SUMF1: variants seen among roughly 807,000 people sequenced by gnomAD.
SUMF1 encodes formylglycine-generating enzyme.
SUMF1 carries 48 observed loss-of-function variants against 47.6 expected under a neutral mutation model. The observed-to-expected ratio is 1.01, with a 90% CI of 0.80 to 1.28. The LOEUF (loss-of-function observed/expected upper bound fraction) is 1.28, where lower values mean the gene tolerates loss of function less well. SUMF1 is among the 50% of genes most tolerant of loss of function. SUMF1 has a pLI of 0.00. For missense variants in SUMF1, 571 were observed against 485.4 expected (o/e 1.18, Z -1.66); for synonymous variants, 230 against 192.1 (o/e 1.20, Z -1.63).
At position 4,389,422 on chromosome 3, in the gene SUMF1, C is replaced by T. The variant is rs568694395; in HGVS notation, c.955-13033G>A. ...TTAGTGTTCAGAAGTTTAATTATAA[C>T]GGTGTCTTCTTGTAGATTTCTTCAG... is the stretch of plus-strand genomic sequence containing the variant. On this transcript the variant is annotated intron_variant, in intron 7 of 8. Transcript: ENST00000272902. Among the ~76,000 whole-genome samples, 59 of 151,254 alleles carry T rather than the reference C, an allele frequency of 3.9e-4. 2 individuals carry two copies. The highest frequency in any genetic ancestry group is 3.4e-3 in the Middle Eastern group (1 of 294).
chr3:4,219,035 CT>C (rs1392321235), intron 8 of SUMF1, among the ~76,000 whole-genome samples: 1 of 152,114 alleles, frequency 6.6e-6, no homozygotes, highest in African/African-American at 2.4e-5. Context: ...TGCTGTATGA[CT>C]TTTTTCTTTC....
At chr3:4,210,748 G>C (rs1039988275) in intron 8 of SUMF1, among the ~76,000 whole-genome samples, 5 of 152,028 alleles carry the variant, frequency 3.3e-5, no homozygotes, top group African/African-American at 1.2e-4. Context: ...AACTGGATTG[G>C]GTTGAAGGAT....
intron 8 of SUMF1, among the ~76,000 whole-genome samples, chr3:4,363,108 T>C (rs542090327): frequency 1.1e-4 from 16 of 152,242 alleles, no homozygotes; most frequent in African/African-American, 3.6e-4. Context: ...TATTCAGTAT[T>C]CCAATACAAT....
chr3:4,121,312 A>C (rs1574901724), intron 8 of SUMF1, among the ~76,000 whole-genome samples: 1 of 152,212 alleles, frequency 6.6e-6, no homozygotes, highest in East Asian at 1.9e-4. Context: ...AATAACTAAT[A>C]AATTATAGAA....
chr3:4,454,582 C>T (rs753884338), intron 1 of SUMF1, among the ~76,000 whole-genome samples: 6 of 152,080 alleles, frequency 3.9e-5, no homozygotes, highest in Non-Finnish European at 8.8e-5. Flanking sequence ...TAGGTATATA[C>T]CCAAGAGAAA....
chr3:4,260,336 A>G (rs1452359823), intron 8 of SUMF1, among the ~76,000 whole-genome samples: 1 of 152,220 alleles, frequency 6.6e-6, no homozygotes, highest in Non-Finnish European at 1.5e-5. Context: ...AAAACAGCCT[A>G]GTGTTCTATA....
At chr3:4,218,824 C>T (rs1313665848) in intron 8 of SUMF1, among the ~76,000 whole-genome samples, 1 of 152,116 alleles carries the variant, frequency 6.6e-6, no homozygotes, top group Non-Finnish European at 1.5e-5. Context: ...TAGGGAAATG[C>T]ACAAGGTCTA....
intron 9 of SUMF1, among the ~76,000 whole-genome samples, chr3:4,036,933 C>G (rs560336316): frequency 2.0e-5 from 3 of 147,632 alleles, no homozygotes; most frequent in African/African-American, 7.5e-5. Context: ...ACTGAGGGAA[C>G]CAACACACTG....
intron 8 of SUMF1, among the ~76,000 whole-genome samples, chr3:4,171,506 A>C (rs1694832344): frequency 6.6e-6 from 1 of 152,178 alleles, no homozygotes; most frequent in African/African-American, 2.4e-5. Context: ...AGACCAGACA[A>C]TTATGTCAAA....
At chr3:4,046,221 A>T (rs1695004955) in intron 9 of SUMF1, among the ~76,000 whole-genome samples, 1 of 152,136 alleles carries the variant, frequency 6.6e-6, no homozygotes, top group Non-Finnish European at 1.5e-5. Flanking sequence ...ATGACTGAGA[A>T]GAAAGGACCC....
intron 8 of SUMF1, among the ~76,000 whole-genome samples, chr3:4,174,089 G>A (rs1421207214): frequency 1.3e-5 from 2 of 152,080 alleles, no homozygotes; most frequent in African/African-American, 2.4e-5. Flanking sequence ...AGGCACGGTG[G>A]CTCACGCCTG....
chr3:4,237,544 T>G (rs533952425), intron 8 of SUMF1, among the ~76,000 whole-genome samples: 44 of 152,278 alleles, frequency 2.9e-4, no homozygotes, highest in African/African-American at 8.9e-4. Context: ...TTATCATACA[T>G]GTCTTTTGCA....
chr3:4,123,619 A>G (rs1056909802), intron 8 of SUMF1, among the ~76,000 whole-genome samples: 4 of 152,200 alleles, frequency 2.6e-5, no homozygotes, highest in Non-Finnish European at 5.9e-5. Context: ...AACTTCCTTG[A>G]AAAGCAGAAC....
At chr3:4,362,475 A>C (rs1441260234) in intron 8 of SUMF1, among the ~76,000 whole-genome samples, 1 of 152,262 alleles carries the variant, frequency 6.6e-6, no homozygotes, top group Admixed American at 6.5e-5. Flanking sequence ...TATAGTACAA[A>C]GATGTTCAGC....
chr3:4,141,836 T>C (rs558228186), intron 8 of SUMF1, among the ~76,000 whole-genome samples: 15 of 152,228 alleles, frequency 9.9e-5, no homozygotes, highest in East Asian at 1.9e-4. Context: ...TTTGAAACTA[T>C]ACGTCTCCAG....
At position 4,290,742 on chromosome 3, in the gene SUMF1, C is replaced by T. The variant is rs78086311; in HGVS notation, c.1014+85588G>A. 1.8e-3 allele frequency among the ~76,000 whole-genome samples: 275 copies of T among 152,214 alleles called. 2 individuals carry two copies. The highest frequency in any genetic ancestry group is 6.3e-3 in the African/African-American group (261 of 41,538). ...CTTCATATTGTATAGTCTTATCTCC[C>T]CTGCTAGACTGTAGGTATTTTGAGG... is the stretch of plus-strand genomic sequence containing the variant. On this transcript the variant is annotated intron_variant and NMD_transcript_variant, in intron 8 of 12. Coordinates refer to the SUMF1 transcript ENST00000448413.
intron 9 of SUMF1, among the ~76,000 whole-genome samples, chr3:4,063,661 G>C (rs566390085): frequency 1.3e-4 from 20 of 152,144 alleles, no homozygotes; most frequent in Middle Eastern, 3.4e-3. Context: ...TTTGCAAACT[G>C]ATATCACCAA....
At chr3:4,124,811 A>C (rs1693618976) in intron 8 of SUMF1, among the ~76,000 whole-genome samples, 1 of 152,116 alleles carries the variant, frequency 6.6e-6, no homozygotes, top group East Asian at 1.9e-4. Flanking sequence ...AATATCAAAA[A>C]AAAAAACTCA....
At chr3:4,105,757 C>T (rs776920301) in intron 8 of SUMF1, among the ~76,000 whole-genome samples, 1 of 152,062 alleles carries the variant, frequency 6.6e-6, no homozygotes, top group East Asian at 1.9e-4. Context: ...TCCTACTAGT[C>T]CCCTTTACCA....
Sources: allele counts gnomAD v4.1 joint callset (sites outside exome capture counted in the v4.1 genomes callset), GRCh38; gene constraint gnomAD v4.1.1; transcripts MANE v1.5; gene names NCBI Gene and HGNC (gene_info 2026-07-23, HGNC 2026-07-21).